The following CUL2 variants were observed in gnomAD, a reference collection of about 807,000 sequenced individuals.
The protein encoded by CUL2 is cullin 2.
In CUL2, 22 loss-of-function variants were observed where a neutral mutation model predicts 110.2. The ratio of observed to expected loss-of-function variants is 0.20; its 90% CI spans 0.14 to 0.28. CUL2 has a LOEUF of 0.28. Ranked by LOEUF, CUL2 falls within the 10% of genes least tolerant of loss-of-function variation. CUL2 has a pLI of 1.00. For missense variants in CUL2, 631 were observed against 905.5 expected (o/e 0.70, Z 3.89); for synonymous variants, 279 against 293.2 (o/e 0.95, Z 0.49).
At position 35,066,206 on chromosome 10, in the gene CUL2, G is replaced by T. The variant is rs916282776; in HGVS notation, c.120-3144C>A. Among the ~76,000 whole-genome samples the T allele has an allele frequency of 5.3e-5, 8 of 151,856 alleles. 1 individual carries two copies. The South Asian group carries it at 1.2e-3, about 24-fold the overall frequency. On this transcript the variant is annotated intron_variant, in intron 2 of 20. Transcript: ENST00000374749. ...GAGAGTTTTGCAATGGGAATAAAAG[G>T]AAAGGTTACCTAAAAAAATGAAAAT...
chr10:35,014,051 C>A (rs1372009406), intron 18 of CUL2, among the ~76,000 whole-genome samples: 1 of 152,192 alleles, frequency 6.6e-6, no homozygotes, highest in African/African-American at 2.4e-5. Flanking sequence ...AAGCTATTTT[C>A]TGGTCCTACT....
At chr10:35,012,053 CTTTTTTTT>C (rs5784438) in intron 19 of CUL2, 89 bp from the exon 20 acceptor site, 12 of 476,068 alleles carry the variant, frequency 2.5e-5, no homozygotes, top group Admixed American at 1.2e-4. Flanking sequence ...AGTGCAAATA[CTTTTTTTT>C]TTTTTTTTTT....
chr10:35,010,301 G>A lies in CUL2; in HGVS notation c.*10C>T. ...ATGATCTTCTCACACCACGCTGGAGGAGAGCGACATCACGCGACGTAGCTG... is the reference window on the plus strand; with the variant it reads ...ATGATCTTCTCACACCACGCTGGAGAAGAGCGACATCACGCGACGTAGCTG... On this transcript the variant is annotated 3_prime_UTR_variant, in exon 21 of 21. Transcript: ENST00000374749. The A allele has an allele frequency of 1.9e-6, 3 of 1,600,894 alleles. No individual in the cohort carries two copies. The highest frequency in any genetic ancestry group is 1.3e-5 in the African/African-American group (1 of 74,456).
intron 8 of CUL2, among the ~76,000 whole-genome samples, chr10:35,039,974 GAAACCCCGTCTCTAC>G (rs1235331577): frequency 1.3e-5 from 2 of 152,148 alleles, no homozygotes; most frequent in Non-Finnish European, 2.9e-5. Context: ...CCAACATGGT[GAAACCCCGTCTCTAC>G]AAAAATACAA....
chr10:35,109,360 T>C (rs2087501160), intron 1 of CUL2, among the ~76,000 whole-genome samples: 5 of 152,214 alleles, frequency 3.3e-5, no homozygotes, highest in Admixed American at 3.3e-4. Context: ...TTATTTCATA[T>C]ATATTATGTG....
At chr10:35,043,827 G>A (rs190348270) in intron 8 of CUL2, among the ~76,000 whole-genome samples, 2 of 152,198 alleles carry the variant, frequency 1.3e-5, no homozygotes, top group East Asian at 1.9e-4. Context: ...AGCGCTTTGG[G>A]AGGCTGAGGC....
intron 1 of CUL2, among the ~76,000 whole-genome samples, chr10:35,105,826 GAAAA>G (rs112118504): frequency 9.3e-5 from 13 of 139,342 alleles, no homozygotes; most frequent in East Asian, 2.1e-4. Flanking sequence ...GCAATGTCCT[GAAAA>G]AAAAAAAAAA....
At chr10:35,060,326 T>C (rs1257795028) in intron 4 of CUL2, among the ~76,000 whole-genome samples, 1 of 151,276 alleles carries the variant, frequency 6.6e-6, no homozygotes, top group African/African-American at 2.4e-5. Context: ...AGAGAAGCAA[T>C]CCAGGCAGAT....
rs1025932102 is a variant in CUL2, at chr10:35,118,344, T to C, written c.-51+8261A>G. The C allele has an allele frequency of 1.1e-4, 17 of 152,284 alleles. No individual in the cohort carries two copies. In the East Asian group the frequency reaches 3.3e-3, roughly 29 times the overall value. 9.4% of individuals were successfully genotyped at this position (152,284 alleles called of 1,614,324 possible). Reference sequence around the variant, plus strand: ...CCTTCTGGAATTTCCATTAGAAAAATATTTATGCTTCTACCTTCCACATTT... The same window carrying C: ...CCTTCTGGAATTTCCATTAGAAAAACATTTATGCTTCTACCTTCCACATTT... On this transcript the variant is annotated intron_variant, in intron 1 of 5. Coordinates refer to the CUL2 transcript ENST00000685421.
chr10:35,069,156 C>T (rs978903388), intron 2 of CUL2, among the ~76,000 whole-genome samples: 7 of 152,128 alleles, frequency 4.6e-5, no homozygotes, highest in African/African-American at 1.7e-4. Flanking sequence ...CGTGAGACAA[C>T]GTGCCCGGCC....
chr10:35,117,483 G>A (rs2087623575), intron 1 of CUL2, among the ~76,000 whole-genome samples: 1 of 150,826 alleles, frequency 6.6e-6, no homozygotes, highest in Non-Finnish European at 1.5e-5. Context: ...TCCTGCCTCA[G>A]CCTCACAAAG....
chr10:35,053,585 C>T (rs1489776478), intron 5 of CUL2, among the ~76,000 whole-genome samples: 1 of 152,150 alleles, frequency 6.6e-6, no homozygotes, highest in Non-Finnish European at 1.5e-5. Flanking sequence ...AAACATTAAA[C>T]TCTTTTCTAA....
intron 1 of CUL2, among the ~76,000 whole-genome samples, chr10:35,120,787 T>C (rs927980852): frequency 2.6e-5 from 4 of 151,924 alleles, no homozygotes; most frequent in Admixed American, 1.3e-4. Context: ...TCCCAGCTAC[T>C]CGGGAGGCTG....
intron 8 of CUL2, among the ~76,000 whole-genome samples, 182 bp from the exon 9 acceptor site, chr10:35,039,264 C>T (rs190708394): frequency 1.3e-5 from 2 of 152,326 alleles, no homozygotes; most frequent in Admixed American, 6.5e-5. Flanking sequence ...ATTTAAGCTA[C>T]TAGCTGTCAT....
chr10:35,030,865 AAAAAAG>A (rs2085465370), intron 14 of CUL2, among the ~76,000 whole-genome samples: 1 of 152,128 alleles, frequency 6.6e-6, no homozygotes, highest in Non-Finnish European at 1.5e-5. Flanking sequence ...CTATCTCTTA[AAAAAAG>A]AAAAAGGAAA....
At chr10:35,097,052 C>G (rs150038850) in intron 2 of CUL2, among the ~76,000 whole-genome samples, 2 of 152,164 alleles carry the variant, frequency 1.3e-5, no homozygotes, top group South Asian at 2.1e-4. Flanking sequence ...CCACATGACC[C>G]GTCCACCTCA....
chr10:35,032,569 T>C, intron 11 of CUL2, 75 bp from the exon 12 acceptor site: 3 of 1,159,306 alleles, frequency 2.6e-6, no homozygotes, highest in Non-Finnish European at 2.4e-6. Flanking sequence ...TAAGCCATAA[T>C]CTGTACATCC....
intron 8 of CUL2, 87 bp downstream of exon 8, chr10:35,044,479 A>AC (rs1176317077): frequency 1.2e-6 from 1 of 802,262 alleles, no homozygotes; most frequent in Non-Finnish European, 1.9e-6. Context: ...CCACCAAGAA[A>AC]CAAAACAAGA....
At chr10:35,091,024 T>C (rs1349112478), upstream of CUL2, among the ~76,000 whole-genome samples, 1 of 152,236 alleles carries the variant, frequency 6.6e-6, no homozygotes, top group Admixed American at 6.5e-5. Flanking sequence ...TTCTTGGACA[T>C]ACATGTATTT....
Sources: gnomAD v4.1 joint callset for allele counts (sites outside exome capture counted in the v4.1 genomes callset) on GRCh38, gnomAD v4.1.1 for gene constraint, MANE v1.5 for transcripts, NCBI Gene and HGNC (gene_info 2026-07-23, HGNC 2026-07-21) for gene names.